Variants in COMMD2 observed in about 807,000 individuals in gnomAD.
COMMD2 encodes the protein COMM domain-containing protein 2.
COMMD2 carries 25 observed loss-of-function variants against 22.5 expected under a neutral mutation model. That is an observed-to-expected ratio of 1.11 (90% CI 0.81 to 1.55). The LOEUF is 1.55. Ranked by LOEUF, COMMD2 falls within the 40% of genes most tolerant of loss-of-function variation. The pLI, the probability that COMMD2 is intolerant of heterozygous loss-of-function variation, is 0.00. For missense variants in COMMD2, 223 were observed against 232.9 expected (o/e 0.96, Z 0.28); for synonymous variants, 98 against 91.2 (o/e 1.07, Z -0.42).
chr3:149,742,573 T>G (rs181473578), intron 4 of COMMD2, among the ~76,000 whole-genome samples: 19 of 152,192 alleles, frequency 1.2e-4, no homozygotes, highest in Admixed American at 1.2e-3. Context: ...TGGGTTATCA[T>G]AGAAGAAATG....
chr3:149,752,121 C>T (rs956625722), intron 2 of COMMD2, 89 bp downstream of exon 2: 7 of 1,078,748 alleles, frequency 6.5e-6, no homozygotes, highest in Non-Finnish European at 9.7e-6. Flanking sequence ...GACCCTAGGA[C>T]TCGCAATAAT....
chr3:149,742,809 A>C (rs1214930364), intron 4 of COMMD2, among the ~76,000 whole-genome samples: 2 of 152,070 alleles, frequency 1.3e-5, no homozygotes, highest in Non-Finnish European at 2.9e-5. Flanking sequence ...TCTACTAAAA[A>C]TACAAAAATT....
chr3:149,739,339 T>C lies in COMMD2; in HGVS notation c.*2182A>G, dbSNP rs1716147102. 1 of 152,178 alleles carries C rather than the reference T, an allele frequency of 6.6e-6. No individual in the cohort carries two copies. The highest frequency in any genetic ancestry group is 2.4e-5 in the African/African-American group (1 of 41,448). The allele number at this position is 152,178 out of a possible 1,614,324, so 9.4% of individuals were successfully genotyped here. On this transcript the variant is annotated 3_prime_UTR_variant, in exon 5 of 5. Coordinates refer to ENST00000473414, the MANE Select transcript of COMMD2 (RefSeq NM_016094.4). ...TGAGCAAAAAAAAGGAAGAGGCTTA[T>C]TCAATGGCTTGTACTAAAAGATAAG...
rs571548891 is a variant in COMMD2 at position 149,746,531 on chromosome 3, G to C, written c.402+4147C>G. 1.3e-3 allele frequency among the ~76,000 whole-genome samples: 193 copies of C among 152,152 alleles called. 1 individual carries two copies. Among genetic ancestry groups the C allele is most frequent in the Non-Finnish European group, 4.0e-4 (27 of 68,004 alleles). ...TTACGCCTGTAATCCCAGCACTTTGGGAGGCCAAGGCGGGCAGATCACAAG... is the reference window on the plus strand; with the variant it reads ...TTACGCCTGTAATCCCAGCACTTTGCGAGGCCAAGGCGGGCAGATCACAAG... On this transcript the variant is annotated intron_variant, in intron 4 of 4. Coordinates refer to ENST00000473414, the MANE Select transcript of COMMD2 (RefSeq NM_016094.4).
At chr3:149,750,486 C>A in intron 4 of COMMD2, 192 bp downstream of exon 4, 1 of 557,844 alleles carries the variant, frequency 1.8e-6, no homozygotes, top group Non-Finnish European at 3.2e-6. Flanking sequence ...ACAAACTTTG[C>A]AAATTAAACT....
chr3:149,750,006 A>G (rs1716487297), intron 4 of COMMD2, among the ~76,000 whole-genome samples: 1 of 152,210 alleles, frequency 6.6e-6, no homozygotes, highest in Admixed American at 6.5e-5. Context: ...GCACAGCTCT[A>G]ATCAGCAAAT....
Position 149,747,939 on chromosome 3 carries a change from C to A in COMMD2, c.402+2739G>T, listed in dbSNP as rs574898531. On this transcript the variant is annotated intron_variant, in intron 4 of 4. Transcript: ENST00000473414. ...CTCCAGTCTGGGCGACTGAGCAAGA[C>A]TCCATCTCAAAAAAAAAAAAAAAAA... Among the ~76,000 whole-genome samples the A allele has an allele frequency of 3.9e-4, 42 of 109,052 alleles. 1 individual carries two copies. In the East Asian group the frequency reaches 7.0e-3, roughly 18 times the overall value. 71.5% of individuals were successfully genotyped at this position (109,052 alleles called of 152,430 possible). A position where few individuals can be genotyped will look rare whatever the true frequency, so the allele number is the denominator to read the frequency against.
chr3:149,752,452 G>T lies in COMMD2; in HGVS notation c.-8C>A, dbSNP rs200287559. The stretch of plus-strand genomic sequence containing the variant: ...GGACAATTCCAGCAGCATCTTCACT[G>T]TCCTACGATTTCACCCGGCAGCGCC... On this transcript the variant is annotated 5_prime_UTR_variant, in exon 1 of 5. Coordinates refer to ENST00000473414, the MANE Select transcript of COMMD2 (RefSeq NM_016094.4). 6.2e-7 allele frequency: 1 copy of T among 1,611,816 alleles called. No homozygotes were observed. Among genetic ancestry groups the T allele is most frequent in the Non-Finnish European group, 8.5e-7 (1 of 1,178,792 alleles).
At chr3:149,751,668 T>C (rs1716536198) in intron 2 of COMMD2, 183 bp from the exon 3 acceptor site, 1 of 511,584 alleles carries the variant, frequency 2.0e-6, no homozygotes. Flanking sequence ...GCCTTTGGTA[T>C]TTCCCACCAA....
intron 4 of COMMD2, among the ~76,000 whole-genome samples, chr3:149,745,071 C>A (rs1716329575): frequency 6.6e-6 from 1 of 152,148 alleles, no homozygotes; most frequent in African/African-American, 2.4e-5. Context: ...CATTCGCACA[C>A]AAGAGAGACG....
At chr3:149,751,538 T>A (rs1486054883) in intron 2 of COMMD2, 53 bp from the exon 3 acceptor site, 6 of 1,363,532 alleles carry the variant, frequency 4.4e-6, no homozygotes, top group Non-Finnish European at 6.0e-6. Context: ...AGTATTTATC[T>A]TGTTCATATT....
At chr3:149,746,720 T>C (rs1482395029) in intron 4 of COMMD2, among the ~76,000 whole-genome samples, 1 of 152,104 alleles carries the variant, frequency 6.6e-6, no homozygotes, top group African/African-American at 2.4e-5. Context: ...GAGGCGGAGC[T>C]TGCAGTGAGC....
chr3:149,749,812 TGTTTTA>T (rs1431302392), intron 4 of COMMD2, among the ~76,000 whole-genome samples: 3 of 152,354 alleles, frequency 2.0e-5, no homozygotes, highest in East Asian at 3.9e-4. Flanking sequence ...TTGTTGTTTT[TGTTTTA>T]AACAGTTGTC....
At chr3:149,748,184 G>A (rs912191733) in intron 4 of COMMD2, among the ~76,000 whole-genome samples, 2 of 152,140 alleles carry the variant, frequency 1.3e-5, no homozygotes, top group African/African-American at 4.8e-5. Flanking sequence ...AAGGCTGCCT[G>A]TAGATAAGAG....
chr3:149,752,222 C>T lies in COMMD2; in HGVS notation c.133G>A (p.Glu45Lys). ...TTTCCCTTCTTACTGGCGGCGCCTTCGTAGATTTTTGGGTTTGCGCCGCGT... is the reference window on the plus strand; with the variant it reads ...TTTCCCTTCTTACTGGCGGCGCCTTTGTAGATTTTTGGGTTTGCGCCGCGT... ...LRRGANPKIY[E>K]GAARKLNVSS... Residue 45 changes from glutamate (E) to lysine (K), a missense_variant, in exon 2 of 5, where the codon GAA becomes AAA. Physicochemically the swap from Glu to Lys is moderately conservative, Grantham distance 56. Transcript: ENST00000473414. 1 of 1,613,982 alleles carries T rather than the reference C, an allele frequency of 6.2e-7. No individual in the cohort carries two copies. The highest frequency in any genetic ancestry group is 8.5e-7 in the Non-Finnish European group (1 of 1,179,922).
rs1716508240 is a variant in COMMD2 at position 149,750,818 on chromosome 3, C to T, written c.262G>A (p.Val88Ile). 2 of 1,592,746 alleles carry T rather than the reference C, an allele frequency of 1.3e-6. No homozygotes were observed. Among genetic ancestry groups the T allele is most frequent in the Non-Finnish European group, 1.7e-6 (2 of 1,168,588 alleles). Residue 88 changes from valine to isoleucine, a missense_variant, in exon 4 of 5, where the codon GTT (valine) becomes ATT (isoleucine). Transcript: ENST00000473414. ...TTTAATTCTTCAGAGAATCCCAGAA[C>T]AAAAACAGAGTCTTGGAAATCCAGT... The part of the protein sequence containing the change: ...SELDFQDSVF[V>I]LGFSEELNKL...
At position 149,752,376 on chromosome 3, in the gene COMMD2, A is replaced by T; in HGVS notation, c.67+2T>A. The T allele has an allele frequency of 6.2e-7, 1 of 1,614,066 alleles. No individual in the cohort carries two copies. Among genetic ancestry groups the T allele is most frequent in the Non-Finnish European group, 8.5e-7 (1 of 1,179,944 alleles). On this transcript the variant is annotated splice_donor_variant, in intron 1 of 4. Transcript: ENST00000473414. LOFTEE classifies it high-confidence loss of function. ...CAGAACACCGCCCCCACGCCCGCTG[A>T]CCCGCGCTGTCCACTTGAGGCAGGA...
chr3:149,742,670 A>G (rs1716266564), intron 4 of COMMD2, among the ~76,000 whole-genome samples: 1 of 151,676 alleles, frequency 6.6e-6, no homozygotes, highest in Admixed American at 6.6e-5. Context: ...TAAAAAAACT[A>G]TAAAGAAAAG....
chr3:149,746,894 C>T (rs1407715756), intron 4 of COMMD2, among the ~76,000 whole-genome samples: 1 of 152,162 alleles, frequency 6.6e-6, no homozygotes, highest in Non-Finnish European at 1.5e-5. Context: ...CTTCACAGGG[C>T]GGCAGGAGAG....
Sources: gnomAD v4.1 joint callset for allele counts (sites outside exome capture counted in the v4.1 genomes callset) on GRCh38, gnomAD v4.1.1 for gene constraint, MANE v1.5 for transcripts, NCBI Gene and HGNC (gene_info 2026-07-23, HGNC 2026-07-21) for gene names.